NCKAP5: variants seen among roughly 807,000 people sequenced by gnomAD.
The protein encoded by NCKAP5 is nck-associated protein 5.
Under a neutral mutation model 167.0 loss-of-function variants are expected in NCKAP5, and 92 were observed. That is an observed-to-expected ratio of 0.55 (90% CI 0.47 to 0.66). The LOEUF (loss-of-function observed/expected upper bound fraction) is 0.66, where lower values mean the gene tolerates loss of function less well. Among genes scored for constraint, NCKAP5 ranks in the 30% least tolerant of loss-of-function variants. The pLI, the probability that NCKAP5 is intolerant of heterozygous loss-of-function variation, is 0.00. For synonymous variants in NCKAP5, 891 were observed against 877.4 expected, an observed-to-expected ratio of 1.02 and a Z score of -0.27; for missense variants, 2,378 against 2,315.0, an observed-to-expected ratio of 1.03 and a Z score of -0.56.
At chr2:133,505,518 T>C (rs1682926408) in intron 3 of NCKAP5, among the ~76,000 whole-genome samples, 1 of 152,196 alleles carries the variant, frequency 6.6e-6, no homozygotes, top group Non-Finnish European at 1.5e-5. Context: ...ATGCCAGGCA[T>C]GGTACTGCAT....
At chr2:133,056,326 T>C (rs1402371295) in intron 6 of NCKAP5, among the ~76,000 whole-genome samples, 1 of 152,194 alleles carries the variant, frequency 6.6e-6, no homozygotes, top group Non-Finnish European at 1.5e-5. Context: ...TCCAACATAT[T>C]ATTAGTTTCA....
At chr2:133,541,343 G>A (rs1157460569) in intron 2 of NCKAP5, among the ~76,000 whole-genome samples, 1 of 151,998 alleles carries the variant, frequency 6.6e-6, no homozygotes, top group East Asian at 1.9e-4. Context: ...TTCAACTAAA[G>A]TTGGGAACTA....
chr2:132,796,756 A>G (rs750642979), intron 11 of NCKAP5, 27 bp from the exon 12 acceptor site: 1 of 1,419,500 alleles, frequency 7.0e-7, no homozygotes, highest in Admixed American at 1.8e-5. Context: ...AGAAACATTG[A>G]ATAGCGATAA....
chr2:133,160,252 G>A (rs867664059), intron 5 of NCKAP5, among the ~76,000 whole-genome samples: 1 of 152,002 alleles, frequency 6.6e-6, no homozygotes, highest in Non-Finnish European at 1.5e-5. Flanking sequence ...CTCCCTCCTA[G>A]CTTCCAGTGG....
chr2:133,456,291 GT>G (rs1691855897), intron 3 of NCKAP5, among the ~76,000 whole-genome samples: 1 of 152,184 alleles, frequency 6.6e-6, no homozygotes, highest in Admixed American at 6.6e-5. Context: ...TATGATGTAA[GT>G]AGGAGGCACT....
the NCKAP5 span, among the ~76,000 whole-genome samples, chr2:133,617,104 C>G: frequency 9.9e-5 from 15 of 152,086 alleles, no homozygotes; most frequent in South Asian, 4.1e-4. Flanking sequence ...ATTCAACAGC[C>G]CTTCATGCTA....
intron 13 of NCKAP5, among the ~76,000 whole-genome samples, chr2:132,787,181 C>G (rs957971817): frequency 6.6e-6 from 1 of 152,024 alleles, no homozygotes; most frequent in Non-Finnish European, 1.5e-5. Context: ...AACGCCATCT[C>G]TACTAAAAAT....
chr2:132,804,912 C>T (rs530672143), intron 11 of NCKAP5, among the ~76,000 whole-genome samples: 3 of 151,954 alleles, frequency 2.0e-5, no homozygotes, highest in East Asian at 3.9e-4. Flanking sequence ...CCATATTCTG[C>T]TTGCTTTTTC....
rs193187062 is a variant in NCKAP5 at position 133,165,378 on chromosome 2, A to G, written c.208-35267T>C. ...TCCTGGGTACCTTCAAGAAACTCCTATGTAAGAGTTTTAAGAAAATCTTTT... is the reference window on the plus strand; with the variant it reads ...TCCTGGGTACCTTCAAGAAACTCCTGTGTAAGAGTTTTAAGAAAATCTTTT... On this transcript the variant is annotated intron_variant, in intron 5 of 19. Coordinates refer to ENST00000409261, the MANE Select transcript of NCKAP5 (RefSeq NM_207363.3). Among the ~76,000 whole-genome samples, 137 of 152,304 alleles carry G rather than the reference A, an allele frequency of 9.0e-4. 1 individual carries two copies. Among genetic ancestry groups the G allele is most frequent in the African/African-American group, 2.8e-3 (118 of 41,564 alleles).
intron 8 of NCKAP5, among the ~76,000 whole-genome samples, chr2:132,945,669 T>C (rs1303529486): frequency 1.3e-5 from 2 of 152,190 alleles, no homozygotes; most frequent in African/African-American, 4.8e-5. Context: ...GATTTTGCTA[T>C]TCACTCTAAG....
At chr2:132,793,641 G>A (rs527633087) in intron 12 of NCKAP5, among the ~76,000 whole-genome samples, 5 of 152,318 alleles carry the variant, frequency 3.3e-5, no homozygotes, top group South Asian at 2.1e-4. Flanking sequence ...CTAGCAGCAC[G>A]TTGTGGTACC....
intron 3 of NCKAP5, among the ~76,000 whole-genome samples, chr2:133,341,945 T>C (rs1174304491): frequency 6.6e-6 from 1 of 151,942 alleles, no homozygotes; most frequent in Admixed American, 6.6e-5. Flanking sequence ...ATCTAAACAT[T>C]CTTTTTTTTT....
At chr2:133,241,746 G>T (rs1362085186) in intron 4 of NCKAP5, among the ~76,000 whole-genome samples, 5 of 152,124 alleles carry the variant, frequency 3.3e-5, no homozygotes, top group African/African-American at 1.2e-4. Flanking sequence ...TGTCCACTAG[G>T]CCTTCTCCAG....
chr2:132,960,247 A>G (rs1461584283), intron 8 of NCKAP5, among the ~76,000 whole-genome samples: 3 of 152,154 alleles, frequency 2.0e-5, no homozygotes, highest in African/African-American at 7.2e-5. Context: ...GAGCAGGCGG[A>G]TGATATGGAA....
chr2:133,436,496 C>T (rs1159684294), intron 3 of NCKAP5, among the ~76,000 whole-genome samples: 3 of 152,296 alleles, frequency 2.0e-5, no homozygotes, highest in Non-Finnish European at 2.9e-5. Flanking sequence ...CTTTCAATGA[C>T]GGACCACAAT....
intron 2 of NCKAP5, among the ~76,000 whole-genome samples, chr2:133,539,220 G>A (rs372693803): frequency 3.3e-5 from 5 of 152,006 alleles, no homozygotes; most frequent in African/African-American, 4.8e-5. Flanking sequence ...AATTACAGGC[G>A]TGAGCCTCCA....
At chr2:132,925,291 A>T (rs538353471) in intron 8 of NCKAP5, among the ~76,000 whole-genome samples, 1 of 152,112 alleles carries the variant, frequency 6.6e-6, no homozygotes, top group African/African-American at 2.4e-5. Context: ...ACGGTGGCTC[A>T]CGCCTGTAAT....
At chr2:133,083,243 A>G (rs1243094058) in intron 6 of NCKAP5, among the ~76,000 whole-genome samples, 1 of 152,174 alleles carries the variant, frequency 6.6e-6, no homozygotes, top group East Asian at 1.9e-4. Flanking sequence ...AATCACACCA[A>G]GCCAAAAGTA....
At chr2:132,962,530 G>C (rs1210277905) in intron 8 of NCKAP5, among the ~76,000 whole-genome samples, 1 of 152,108 alleles carries the variant, frequency 6.6e-6, no homozygotes, top group Non-Finnish European at 1.5e-5. Context: ...CAATGTGGTA[G>C]ATCTGAGGTA....
Sources: gnomAD v4.1 joint callset for allele counts (sites outside exome capture counted in the v4.1 genomes callset) on GRCh38, gnomAD v4.1.1 for gene constraint, MANE v1.5 for transcripts, NCBI Gene and HGNC (gene_info 2026-07-23, HGNC 2026-07-21) for gene names.